Variants in PGR observed in about 807,000 individuals in gnomAD.
PGR encodes the protein progesterone receptor.
A neutral mutation model predicts 76.1 loss-of-function variants in PGR; 25 were observed. That is an observed-to-expected ratio of 0.33 (90% CI 0.24 to 0.46). PGR has a LOEUF of 0.46. Among genes scored for constraint, PGR ranks in the 20% least tolerant of loss-of-function variants. The pLI is 1.00. For synonymous variants in PGR, 579 were observed against 535.0 expected, an observed-to-expected ratio of 1.08 and a Z score of -1.14; for missense variants, 1,172 against 1,225.3, an observed-to-expected ratio of 0.96 and a Z score of 0.65.
At chr11:101,090,635 G>GTGGT (rs1861648501) in intron 3 of PGR, among the ~76,000 whole-genome samples, 1 of 152,224 alleles carries the variant, frequency 6.6e-6, no homozygotes, top group Non-Finnish European at 1.5e-5. Flanking sequence ...TGCTGAGGTT[G>GTGGT]TGGTTTTATT....
chr11:101,037,965 G>C lies in PGR; in HGVS notation c.*1151C>G, dbSNP rs1010004830. On this transcript the variant is annotated 3_prime_UTR_variant, in exon 8 of 8. Transcript: ENST00000325455. ...AATGGCAGGTAAACTCTAGGAGAAG[G>C]CAAATTACTGCTTGGAAGACTCAGG... 4.7e-6 allele frequency: 1 copy of C among 210,790 alleles called. No homozygotes were observed. The highest frequency in any genetic ancestry group is 9.6e-6 in the Non-Finnish European group (1 of 103,818). 13.1% of individuals were successfully genotyped at this position (210,790 alleles called of 1,614,324 possible). A position where few individuals can be genotyped will look rare whatever the true frequency, so the allele number is the denominator to read the frequency against.
chr11:101,074,311 T>C (rs1861046009), intron 3 of PGR, among the ~76,000 whole-genome samples: 1 of 152,134 alleles, frequency 6.6e-6, no homozygotes, highest in South Asian at 2.1e-4. Flanking sequence ...AAGCTAGGTA[T>C]TGATGGACCG....
Position 101,034,228 on chromosome 11 carries a change from G to GCAA in PGR, c.*4885_*4887dup, listed in dbSNP as rs1859438966. On this transcript the variant is annotated 3_prime_UTR_variant, in exon 8 of 8. Transcript: ENST00000325455. ...AACAATAAGGTCAGCATGACATACA[G>GCAA]CAACAAGAGCCAGTAAATCGAAAAT... The GCAA allele has an allele frequency of 4.6e-6, 1 of 218,272 alleles. No homozygotes were observed. Among genetic ancestry groups the GCAA allele is most frequent in the South Asian group, 1.8e-4 (1 of 5,424 alleles). The allele number at this position is 218,272 out of a possible 1,614,324, so 13.5% of individuals were successfully genotyped here.
rs751106946 is a variant in PGR, at chr11:101,127,827, G to C, written c.1244C>G (p.Pro415Arg). 3.4e-5 allele frequency: 53 copies of C among 1,578,312 alleles called. No homozygotes were observed. Among genetic ancestry groups the C allele is most frequent in the Non-Finnish European group, 4.4e-5 (52 of 1,169,448 alleles). The change falls in exon 1 of 8, where the codon CCG becomes CGG. Residue 415 changes from proline to arginine, a missense_variant. Physicochemically the swap from Pro to Arg is moderately radical, Grantham distance 103 (BLOSUM62 -2). Transcript: ENST00000325455. ...LVAGANPAAF[P>R]DFPLGPPPPL... Reference sequence around the variant, plus strand: ...GGGCGGTGGCCCCAACGGGAAATCCGGGAAGGCTGCGGGGTTGGCACCGGC... The same window carrying C: ...GGGCGGTGGCCCCAACGGGAAATCCCGGAAGGCTGCGGGGTTGGCACCGGC...
chr11:101,118,265 A>G (rs892720183), intron 2 of PGR, among the ~76,000 whole-genome samples: 6 of 152,366 alleles, frequency 3.9e-5, no homozygotes, highest in Middle Eastern at 3.4e-3. Context: ...CAAGAGTTAA[A>G]TGAGTTAGTA....
At chr11:101,070,529 C>T (rs1860893300) in intron 3 of PGR, among the ~76,000 whole-genome samples, 1 of 152,176 alleles carries the variant, frequency 6.6e-6, no homozygotes, top group African/African-American at 2.4e-5. Flanking sequence ...TGATCTAGCT[C>T]AGCAGATACC....
chr11:101,063,827 A>C (rs1860600717), intron 3 of PGR: 1 of 152,198 alleles, frequency 6.6e-6, no homozygotes, highest in Admixed American at 6.5e-5. Flanking sequence ...AATCTGTTAA[A>C]GTTTAGTTGC....
chr11:101,099,404 A>G (rs537486335), intron 2 of PGR, among the ~76,000 whole-genome samples: 1 of 152,178 alleles, frequency 6.6e-6, no homozygotes, highest in Non-Finnish European at 1.5e-5. Flanking sequence ...ACTTTTGGGG[A>G]ATGATTGGAA....
chr11:101,052,048 G>A (rs1427791065), intron 4 of PGR, among the ~76,000 whole-genome samples: 1 of 152,128 alleles, frequency 6.6e-6, no homozygotes, highest in Non-Finnish European at 1.5e-5. Flanking sequence ...GATAATGCCT[G>A]AATGGAATAT....
Position 101,127,790 on chromosome 11 carries a change from C to T in PGR, c.1281G>A (p.Pro427=), listed in dbSNP as rs778993173. 1 of 1,564,214 alleles carries T rather than the reference C, an allele frequency of 6.4e-7. No individual in the cohort carries two copies. ...FPLGPPPPLP[P]RATPSRPGEA... The stretch of plus-strand genomic sequence containing the variant: ...CCCCGGGTCTGGATGGGGTCGCTCG[C>T]GGCGGCAGCGGGGGCGGTGGCCCCA... The change falls in exon 1 of 8, where the codon CCG becomes CCA. Residue 427 remains proline, a synonymous_variant. Coordinates refer to ENST00000325455, the MANE Select transcript of PGR (RefSeq NM_000926.4).
intron 6 of PGR, among the ~76,000 whole-genome samples, chr11:101,043,829 A>G (rs1232557321): frequency 3.3e-5 from 5 of 152,218 alleles, no homozygotes; most frequent in Admixed American, 3.3e-4. Flanking sequence ...AAGTCTCAAT[A>G]GTGGGTCAAA....
At position 101,053,658 on chromosome 11, in the gene PGR, CCTTT is replaced by C. The variant is rs1158820127; in HGVS notation, c.2213-2094_2213-2091del. 2.4e-3 allele frequency among the ~76,000 whole-genome samples: 357 copies of C among 146,060 alleles called. 7 individuals carry two copies. The highest frequency in any genetic ancestry group is 8.9e-3 in the African/African-American group (345 of 38,686). ...TCCTTTCTTCCCTCCCCTTTTCCCT[CCTTT>C]CTTTCTTCCCCTTCTCCCTCCTTTC... On this transcript the variant is annotated intron_variant, in intron 4 of 7. Transcript: ENST00000325455.
chr11:101,121,090 C>T (rs1862660302), intron 2 of PGR, among the ~76,000 whole-genome samples: 1 of 152,110 alleles, frequency 6.6e-6, no homozygotes, highest in Non-Finnish European at 1.5e-5. Context: ...ATTATCCATG[C>T]TAAATAGTAA....
chr11:101,046,911 C>A (rs1176296629), intron 6 of PGR, among the ~76,000 whole-genome samples: 2 of 152,104 alleles, frequency 1.3e-5, no homozygotes, highest in African/African-American at 4.8e-5. Flanking sequence ...TTCTAATTCC[C>A]TGCATATTTT....
chr11:101,032,868 T>G lies in PGR; in HGVS notation c.*6248A>C, dbSNP rs938043729. 3 of 187,668 alleles carry G rather than the reference T, an allele frequency of 1.6e-5. No homozygotes were observed. Among genetic ancestry groups the G allele is most frequent in the Non-Finnish European group, 3.4e-5 (3 of 89,122 alleles). The allele number at this position is 187,668 out of a possible 1,614,324, so 11.6% of individuals were successfully genotyped here. A position where few individuals can be genotyped will look rare whatever the true frequency, so the allele number is the denominator to read the frequency against. On this transcript the variant is annotated 3_prime_UTR_variant, in exon 8 of 8. Coordinates refer to ENST00000325455, the MANE Select transcript of PGR (RefSeq NM_000926.4). ...AATCTCCACAATCTAGCAGAGTGAC[T>G]GGCATACAGCACAGTAAAGGCTTCA...
intron 5 of PGR, 93 bp downstream of exon 5, chr11:101,051,331 C>T (rs1367443684): frequency 4.7e-6 from 4 of 842,220 alleles, no homozygotes; most frequent in Non-Finnish European, 8.0e-6. Context: ...ATATCAAGAA[C>T]ACTAAATATG....
chr11:101,101,509 A>C (rs1314327048), intron 2 of PGR, among the ~76,000 whole-genome samples: 1 of 152,230 alleles, frequency 6.6e-6, no homozygotes, highest in African/African-American at 2.4e-5. Flanking sequence ...GGGATAATAG[A>C]AATAGAGAAT....
chr11:101,039,338 T>C (rs1190758030), intron 7 of PGR, 67 bp from the exon 8 acceptor site: 3 of 1,183,160 alleles, frequency 2.5e-6, no homozygotes, highest in Non-Finnish European at 3.7e-6. Context: ...TATTCAAACA[T>C]GGCAATTTAT....
chr11:101,089,084 G>A (rs1293433470), intron 3 of PGR, among the ~76,000 whole-genome samples: 2 of 152,196 alleles, frequency 1.3e-5, no homozygotes, highest in Admixed American at 6.5e-5. Flanking sequence ...CAGTACCTCA[G>A]TACCTAGGTG....
Sources: gnomAD v4.1 joint callset for allele counts (sites outside exome capture counted in the v4.1 genomes callset) on GRCh38, gnomAD v4.1.1 for gene constraint, MANE v1.5 for transcripts, NCBI Gene and HGNC (gene_info 2026-07-23, HGNC 2026-07-21) for gene names.